MRTFA: variants seen among roughly 807,000 people sequenced by gnomAD.
MRTFA encodes the protein myocardin related transcription factor A.
A neutral mutation model predicts 83.5 loss-of-function variants in MRTFA; 20 were observed. The ratio of observed to expected loss-of-function variants is 0.24; its 90% CI spans 0.17 to 0.35. The LOEUF (loss-of-function observed/expected upper bound fraction) is 0.35. Among genes scored for constraint, MRTFA ranks in the 10% least tolerant of loss-of-function variants. The pLI is 1.00. For synonymous variants in MRTFA, 659 were observed against 541.2 expected (o/e 1.22, Z -3.02); for missense variants, 1,200 against 1,224.7 (o/e 0.98, Z 0.30).
intron 3 of MRTFA, among the ~76,000 whole-genome samples, chr22:40,545,484 G>A (rs1032310773): frequency 6.6e-6 from 1 of 151,346 alleles, no homozygotes; most frequent in Admixed American, 6.6e-5. Flanking sequence ...AGGCTGGAGT[G>A]CAGTGGCGCT....
At chr22:40,601,926 G>A (rs2056264073) in intron 1 of MRTFA, among the ~76,000 whole-genome samples, 1 of 152,180 alleles carries the variant, frequency 6.6e-6, no homozygotes. Context: ...ATGAGTCCCT[G>A]GCATCTGTTA....
chr22:40,608,089 ATC>A (rs1350999715), intron 1 of MRTFA, among the ~76,000 whole-genome samples: 3 of 152,148 alleles, frequency 2.0e-5, no homozygotes, highest in Non-Finnish European at 4.4e-5. Context: ...CAGTGGCACA[ATC>A]TCTGCTCACT....
At chr22:40,558,052 G>A (rs1160036645) in intron 2 of MRTFA, among the ~76,000 whole-genome samples, 1 of 151,786 alleles carries the variant, frequency 6.6e-6, no homozygotes, top group Non-Finnish European at 1.5e-5. Context: ...GGAATTACAG[G>A]CATGAGAGCT....
chr22:40,620,452 T>C (rs1281575402), intron 1 of MRTFA, among the ~76,000 whole-genome samples: 1 of 150,042 alleles, frequency 6.7e-6, no homozygotes, highest in African/African-American at 2.5e-5. Flanking sequence ...TTTTGTATTT[T>C]TAGTAGAGAC....
At chr22:40,442,088 AATGAGTCTTCT>A (rs2053288303) in intron 4 of MRTFA, among the ~76,000 whole-genome samples, 1 of 152,320 alleles carries the variant, frequency 6.6e-6, no homozygotes, top group Non-Finnish European at 1.5e-5. Flanking sequence ...CAAGTAGGTA[AATGAGTCTTCT>A]AGGATTCACA....
chr22:40,422,752 C>A (rs2052868091), intron 9 of MRTFA, among the ~76,000 whole-genome samples: 1 of 152,198 alleles, frequency 6.6e-6, no homozygotes, highest in Non-Finnish European at 1.5e-5. Context: ...GTGGGGCCTA[C>A]TAAGGCCAGA....
At chr22:40,493,526 A>G (rs1356408968) in intron 3 of MRTFA, among the ~76,000 whole-genome samples, 4 of 152,214 alleles carry the variant, frequency 2.6e-5, no homozygotes, top group African/African-American at 9.6e-5. Context: ...AAATATTTAT[A>G]AAGTGGAAAG....
chr22:40,441,797 A>AT (rs2053280592), intron 4 of MRTFA, among the ~76,000 whole-genome samples: 1 of 151,172 alleles, frequency 6.6e-6, no homozygotes, highest in African/African-American at 2.4e-5. Flanking sequence ...GGGGGGAAAA[A>AT]ATATATACAT....
rs536263174 is a variant in MRTFA at position 40,545,622 on chromosome 22, G to A, written c.241+6484C>T. On this transcript the variant is annotated intron_variant, in intron 3 of 14. Coordinates refer to ENST00000355630, the MANE Select transcript of MRTFA (RefSeq NM_020831.6). ...TAATCTTTGTATTTTTATTAGAGAC[G>A]GGGTTTCACCATGTTGGCCAGGCTG... Among the ~76,000 whole-genome samples, 55 of 151,760 alleles carry A rather than the reference G, an allele frequency of 3.6e-4. 1 individual carries two copies. Among genetic ancestry groups the A allele is most frequent in the Admixed American group, 2.4e-3 (37 of 15,238 alleles).
intron 3 of MRTFA, among the ~76,000 whole-genome samples, chr22:40,518,772 G>A (rs1244016301): frequency 7.5e-6 from 1 of 133,614 alleles, no homozygotes. Flanking sequence ...TCCAGCCTGG[G>A]CGACAGAGTG....
chr22:40,488,448 T>C (rs184104258), intron 3 of MRTFA, among the ~76,000 whole-genome samples: 2 of 152,322 alleles, frequency 1.3e-5, no homozygotes, highest in East Asian at 1.9e-4. Flanking sequence ...TCCCAGCTAC[T>C]TGGGGAGGCT....
intron 1 of MRTFA, among the ~76,000 whole-genome samples, chr22:40,607,327 A>AC (rs1349889085): frequency 6.6e-6 from 1 of 152,008 alleles, no homozygotes; most frequent in African/African-American, 2.4e-5. Context: ...ACACGGTGAA[A>AC]CCCCATCTCT....
chr22:40,558,053 C>T (rs547653929), intron 2 of MRTFA, among the ~76,000 whole-genome samples: 1 of 151,336 alleles, frequency 6.6e-6, no homozygotes, highest in African/African-American at 2.4e-5. Context: ...GAATTACAGG[C>T]ATGAGAGCTC....
chr22:40,475,707 G>A (rs917365777), intron 3 of MRTFA, among the ~76,000 whole-genome samples: 1 of 152,230 alleles, frequency 6.6e-6, no homozygotes, highest in East Asian at 1.9e-4. Flanking sequence ...AAAAAGAATT[G>A]CTTGTTTCTT....
chr22:40,519,522 A>AC (rs1309736280), intron 3 of MRTFA: 1 of 1,350,524 alleles, frequency 7.4e-7, no homozygotes, highest in African/African-American at 1.5e-5. Context: ...TTTAACTCCA[A>AC]CCTCCTTGTG....
chr22:40,449,364 C>G (rs920517964), intron 4 of MRTFA, among the ~76,000 whole-genome samples: 1 of 151,622 alleles, frequency 6.6e-6, no homozygotes, highest in East Asian at 1.9e-4. Context: ...CTTCAGAACT[C>G]TTGGGAAGAA....
chr22:40,440,558 T>G (rs2053256259), intron 4 of MRTFA, among the ~76,000 whole-genome samples: 1 of 152,226 alleles, frequency 6.6e-6, no homozygotes, highest in African/African-American at 2.4e-5. Flanking sequence ...CTGGCCCCTC[T>G]TCCTTCAGGT....
In MRTFA at chr22:40,600,843, T is replaced by G. The variant is rs568138137; in HGVS notation, c.-83-6108A>C. 2.1e-4 allele frequency among the ~76,000 whole-genome samples: 32 copies of G among 152,128 alleles called. No homozygotes were observed. In the East Asian group the frequency reaches 6.0e-3, roughly 29 times the overall value. On this transcript the variant is annotated intron_variant, in intron 1 of 14. Transcript: ENST00000355630. ...AGATACAAAAATTAGCCGGCCGTGG[T>G]GGCACACGCCTGTAGTCCCAGCTAC... is the stretch of plus-strand genomic sequence containing the variant.
intron 14 of MRTFA, chr22:40,412,356 C>T (rs1287753681): frequency 6.6e-6 from 1 of 152,568 alleles, no homozygotes; most frequent in Non-Finnish European, 1.5e-5. Context: ...GAAACTGGAG[C>T]CCTTGTGCCC....
Sources: gnomAD v4.1 joint callset for allele counts (sites outside exome capture counted in the v4.1 genomes callset) on GRCh38, gnomAD v4.1.1 for gene constraint, MANE v1.5 for transcripts, NCBI Gene and HGNC (gene_info 2026-07-23, HGNC 2026-07-21) for gene names.